The following TEX11 variants were observed in gnomAD, a reference collection of about 807,000 sequenced individuals.
TEX11 encodes testis-expressed protein 11.
In TEX11, 7 loss-of-function variants were observed where a neutral mutation model predicts 84.4. That is an observed-to-expected ratio of 0.08 (90% CI 0.05 to 0.16). The LOEUF is 0.16. TEX11 is among the 10% of genes least tolerant of loss of function. TEX11 has a pLI of 1.00. For synonymous variants in TEX11, 264 were observed against 222.8 expected, an observed-to-expected ratio of 1.18 and a Z score of -1.64; for missense variants, 551 against 660.5, an observed-to-expected ratio of 0.83 and a Z score of 1.82.
At chrX:70,556,649 T>C (rs1422587292) in intron 25 of TEX11, among the ~76,000 whole-genome samples, 1 of 111,808 alleles carries the variant, frequency 8.9e-6, no homozygotes, top group African/African-American at 3.2e-5. Context: ...AGTTGGCTGA[T>C]AGTGTTGCTC....
intron 5 of TEX11, among the ~76,000 whole-genome samples, chrX:70,856,090 C>T (rs770548161): frequency 2.7e-4 from 30 of 111,965 alleles, no homozygotes; most frequent in Middle Eastern, 4.6e-3. Flanking sequence ...GTGGCAAAGA[C>T]ATAGGCACAA....
the TEX11 span, among the ~76,000 whole-genome samples, chrX:70,520,451 CTGCAGAACAGCAAATAT>C: frequency 4.3e-4 from 48 of 112,468 alleles, no homozygotes; most frequent in Non-Finnish European, 7.9e-4. Flanking sequence ...GCCGTGGAGG[CTGCAGAACAGCAAATAT>C]TGCAGAACAG....
intron 29 of TEX11, among the ~76,000 whole-genome samples, chrX:70,529,412 G>A (rs944707747): frequency 3.6e-5 from 4 of 111,944 alleles, no homozygotes; most frequent in Admixed American, 9.5e-5. Context: ...TTGGTAACAA[G>A]GCTTTTTCTC....
At chrX:70,521,946 C>T in the TEX11 span, among the ~76,000 whole-genome samples, 1 of 110,523 alleles carries the variant, frequency 9.0e-6, no homozygotes, top group Admixed American at 9.7e-5. Context: ...GCAACCTCTG[C>T]CTCCCAAGGT....
At chrX:70,750,931 A>ATATATAT (rs1330223404) in intron 9 of TEX11, among the ~76,000 whole-genome samples, 16 of 21,976 alleles carry the variant, frequency 7.3e-4, no homozygotes, top group South Asian at 4.3e-3. Flanking sequence ...TAAAAAAAAA[A>ATATATAT]AAATATATAT....
chrX:70,693,795 CTA>C (rs2090256795), intron 13 of TEX11, among the ~76,000 whole-genome samples: 1 of 111,697 alleles, frequency 9.0e-6, no homozygotes, highest in Admixed American at 9.5e-5. Flanking sequence ...AAAGAAGTAA[CTA>C]TGTGAGGTGA....
At position 70,870,628 on chromosome X, in the gene TEX11, C is replaced by T. The variant is rs2091625069; in HGVS notation, c.244+2595G>A. ...GGGATTACAGGCGTGAGCCACTGTG[C>T]CTGGCCAATCTCCTGTAGAATTTTT... On this transcript the variant is annotated intron_variant, in intron 4 of 29. Transcript: ENST00000374333. Among the ~76,000 whole-genome samples, 3 of 111,143 alleles carry T rather than the reference C, an allele frequency of 2.7e-5. No individual in the cohort carries two copies. In the South Asian group the frequency reaches 1.1e-3, roughly 42 times the overall value.
chrX:70,755,850 C>G (rs2090863415), intron 9 of TEX11, among the ~76,000 whole-genome samples: 1 of 112,391 alleles, frequency 8.9e-6, no homozygotes, highest in Non-Finnish European at 1.9e-5. Context: ...CCAAGGGAAG[C>G]CATGACAGTC....
intron 2 of TEX11, among the ~76,000 whole-genome samples, chrX:70,887,723 AACAAAGGTGGTAGCAGCGGGCCTTGGTT>A (rs2091717309): frequency 8.9e-6 from 1 of 112,411 alleles, no homozygotes; most frequent in African/African-American, 3.2e-5. Flanking sequence ...GCCTTGAGTG[AACAAAGGTGGTAGCAGCGGGCCTTGGTT>A]ACAAAGGTGG....
At chrX:70,850,741 C>T (rs760755577) in intron 7 of TEX11, among the ~76,000 whole-genome samples, 1 of 109,157 alleles carries the variant, frequency 9.2e-6, no homozygotes, top group African/African-American at 3.3e-5. Flanking sequence ...GGCAACAAAG[C>T]AAGATCCTGT....
intron 13 of TEX11, among the ~76,000 whole-genome samples, chrX:70,701,395 A>G (rs1325684720): frequency 8.9e-6 from 1 of 111,777 alleles, no homozygotes; most frequent in Non-Finnish European, 1.9e-5. Flanking sequence ...TATAAATGGA[A>G]CAACAAAGCC....
At chrX:70,750,933 A>AAAAAAAATATATAT (rs1390175136) in intron 9 of TEX11, among the ~76,000 whole-genome samples, 1 of 28,187 alleles carries the variant, frequency 3.5e-5, no homozygotes, top group Non-Finnish European at 7.0e-5. Flanking sequence ...AAAAAAAAAA[A>AAAAAAAATATATAT]ATATATATAT....
intron 15 of TEX11, among the ~76,000 whole-genome samples, chrX:70,675,450 C>T (rs2090062316): frequency 9.0e-6 from 1 of 111,631 alleles, no homozygotes; most frequent in Non-Finnish European, 1.9e-5. Flanking sequence ...ATCTCCAGAA[C>T]TTTTTCATCT....
chrX:70,654,314 A>G (rs1208394751), intron 16 of TEX11, among the ~76,000 whole-genome samples: 6 of 111,680 alleles, frequency 5.4e-5, no homozygotes, highest in African/African-American at 2.0e-4. Context: ...TTCCTACTCA[A>G]TTTTTCTGTA....
At chrX:70,810,790 T>TA (rs761224920) in intron 8 of TEX11, among the ~76,000 whole-genome samples, 19 of 102,545 alleles carry the variant, frequency 1.9e-4, no homozygotes, top group South Asian at 4.3e-4. Flanking sequence ...CTTAAAGTAT[T>TA]AAAAAAAAAA....
chrX:70,807,591 T>C (rs1283025067), intron 8 of TEX11, among the ~76,000 whole-genome samples: 1 of 111,604 alleles, frequency 9.0e-6, no homozygotes, highest in Non-Finnish European at 1.9e-5. Context: ...AGAATTTGAT[T>C]ATACCCATAT....
chrX:70,719,719 A>G (rs1603235842), intron 13 of TEX11, among the ~76,000 whole-genome samples: 2 of 112,572 alleles, frequency 1.8e-5, no homozygotes, highest in East Asian at 5.6e-4. Flanking sequence ...GGATATGAAC[A>G]GACACTTCTC....
chrX:70,669,085 G>A, intron 16 of TEX11, among the ~76,000 whole-genome samples: 1 of 111,923 alleles, frequency 8.9e-6, no homozygotes, highest in Non-Finnish European at 1.9e-5. Flanking sequence ...CTGCCCATTA[G>A]GATACCATGA....
At chrX:70,860,436 C>G (rs1362302604) in intron 5 of TEX11, among the ~76,000 whole-genome samples, 1 of 111,638 alleles carries the variant, frequency 9.0e-6, no homozygotes, top group Non-Finnish European at 1.9e-5. Context: ...TGTCACATAG[C>G]TAGTAAGCGG....
Sources: gnomAD v4.1 joint callset for allele counts (sites outside exome capture counted in the v4.1 genomes callset) on GRCh38, gnomAD v4.1.1 for gene constraint, MANE v1.5 for transcripts, NCBI Gene and HGNC (gene_info 2026-07-23, HGNC 2026-07-21) for gene names.